Variants in OTOG observed in about 807,000 individuals in gnomAD.
OTOG encodes the protein otogelin.
A neutral mutation model predicts 313.8 loss-of-function variants in OTOG; 296 were observed. The observed-to-expected ratio is 0.94, with a 90% CI of 0.86 to 1.04. The LOEUF (loss-of-function observed/expected upper bound fraction) is 1.04. Among genes scored for constraint, OTOG ranks in the 50% least tolerant of loss-of-function variants. OTOG has a pLI of 0.00. For missense variants in OTOG, 3,948 were observed against 3,840.1 expected, an observed-to-expected ratio of 1.03 and a Z score of -0.74; for synonymous variants, 1,533 against 1,554.9, an observed-to-expected ratio of 0.99 and a Z score of 0.33.
rs549550987 is a variant in OTOG, at chr11:17,645,767, G to A, written c.8565G>A (p.Gly2855=). The change falls in exon 56 of 56, where the codon GGG becomes GGA. Residue 2855 remains glycine, a synonymous_variant. Coordinates refer to ENST00000399397, the MANE Select transcript of OTOG (RefSeq NM_001292063.2). ...STPVNLVSCD[G]RCPSASIYNY... ...AGGTGAACCTAGTGTCCTGCGATGG[G>A]AGGTGCCCATCCGCCAGCATCTACA... 3.0e-5 allele frequency: 46 copies of A among 1,550,898 alleles called. No homozygotes were observed. The African/African-American group carries it at 6.0e-4, about 20-fold the overall frequency.
chr11:17,622,661 C>T (rs1340302628), intron 39 of OTOG, among the ~76,000 whole-genome samples: 1 of 152,124 alleles, frequency 6.6e-6, no homozygotes, highest in African/African-American at 2.4e-5. Flanking sequence ...CATTTTCACC[C>T]ATGTTTTTGT....
chr11:17,561,515 C>T, intron 14 of OTOG, 147 bp from the exon 15 acceptor site: 4 of 822,444 alleles, frequency 4.9e-6, no homozygotes, highest in Non-Finnish European at 7.7e-6. Context: ...CTCCCACTGC[C>T]CAGGGCTCTC....
intron 24 of OTOG, among the ~76,000 whole-genome samples, chr11:17,591,018 T>C (rs1852918419): frequency 6.6e-6 from 1 of 152,230 alleles, no homozygotes; most frequent in Middle Eastern, 3.2e-3. Context: ...TTATTTTTTA[T>C]TTAGTGTATC....
At position 17,612,744 on chromosome 11, in the gene OTOG, G is replaced by A. The variant is rs1370386293; in HGVS notation, c.6417G>A (p.Leu2139=). The change falls in exon 38 of 56, where the codon CTG becomes CTA. Residue 2139 remains leucine (L), a synonymous_variant. Coordinates refer to ENST00000399397, the MANE Select transcript of OTOG (RefSeq NM_001292063.2). ...ATGAAATGCTCACCGTCCATGTACT[G>A]GACTGCAAAAGTGCCAACCTGGTGC... is the stretch of plus-strand genomic sequence containing the variant. The part of the protein sequence containing the change: ...SPDEMLTVHV[L]DCKSANLGHL... 1 of 1,550,514 alleles carries A rather than the reference G, an allele frequency of 6.4e-7. No individual in the cohort carries two copies. The highest frequency in any genetic ancestry group is 2.4e-5 in the East Asian group (1 of 40,916).
At position 17,632,163 on chromosome 11, in the gene OTOG, G is replaced by C. The variant is rs540794663; in HGVS notation, c.7009G>C (p.Val2337Leu). 576 of 1,551,138 alleles carry C rather than the reference G, an allele frequency of 3.7e-4. 7 individuals carry two copies. The African/African-American group carries it at 7.3e-3, about 20-fold the overall frequency. The change falls in exon 42 of 56, where the codon GTG (valine) becomes CTG (leucine). Residue 2337 changes from valine (V) to leucine (L), a missense_variant. Coordinates refer to ENST00000399397, the MANE Select transcript of OTOG (RefSeq NM_001292063.2). ...GCAGCAGCCCTGCGTGGCCCTGACT[G>C]TGTACGTGGCCATGTGCCACAAATT... ...YVQQPCVALT[V>L]YVAMCHKFHV...
chr11:17,610,785 A>G lies in OTOG; in HGVS notation c.5485A>G (p.Ile1829Val). 6.5e-7 allele frequency: 1 copy of G among 1,550,324 alleles called. No homozygotes were observed. The highest frequency in any genetic ancestry group is 8.7e-7 in the Non-Finnish European group (1 of 1,146,968). The change falls in exon 36 of 56, where the codon ATC becomes GTC. Residue 1829 changes from isoleucine to valine, a missense_variant. Physicochemically the swap from Ile to Val is conservative, Grantham distance 29 (BLOSUM62 3). Transcript: ENST00000399397. ...CACACCCGGCCCCAAAGCCTCTGTC[A>G]TCACCACTCCACTCCAGCCACAGGC... ...VATPGPKASV[I>V]TTPLQPQATT...
At chr11:17,615,348 A>G (rs1040198938) in intron 39 of OTOG, among the ~76,000 whole-genome samples, 1 of 151,938 alleles carries the variant, frequency 6.6e-6, no homozygotes, top group South Asian at 2.1e-4. Flanking sequence ...AAGTTTTTTT[A>G]TTTTGATGGT....
chr11:17,557,030 G>A, intron 7 of OTOG, 88 bp from the exon 8 acceptor site: 1 of 1,294,172 alleles, frequency 7.7e-7, no homozygotes, highest in Non-Finnish European at 1.1e-6. Context: ...CTTGGATCAT[G>A]GGGTAGGGAC....
chr11:17,641,229 G>A, intron 51 of OTOG, 138 bp downstream of exon 51: 1 of 989,056 alleles, frequency 1.0e-6, no homozygotes, highest in Non-Finnish European at 1.4e-6. Flanking sequence ...AGAAACCTCT[G>A]TAGAAAGTGC....
intron 49 of OTOG, 119 bp downstream of exon 49, chr11:17,639,582 C>A: frequency 1.9e-6 from 2 of 1,075,574 alleles, no homozygotes; most frequent in Non-Finnish European, 2.7e-6. Context: ...GGTTGCAAGT[C>A]AGCATTCTTT....
In OTOG at chr11:17,632,156, C is replaced by T. The variant is rs1472562911; in HGVS notation, c.7002C>T (p.Ala2334=). Residue 2334 remains alanine, a synonymous_variant, in exon 42 of 56, where the codon GCC becomes GCT. Transcript: ENST00000399397. ...DTKYVQQPCV[A]LTVYVAMCHK... is the part of the protein sequence containing the mutation. ...AGTACGTGCAGCAGCCCTGCGTGGC[C>T]CTGACTGTGTACGTGGCCATGTGCC... The T allele has an allele frequency of 6.4e-7, 1 of 1,550,964 alleles. No homozygotes were observed. Among genetic ancestry groups the T allele is most frequent in the Non-Finnish European group, 8.7e-7 (1 of 1,147,010 alleles).
chr11:17,633,799 G>T lies in OTOG; in HGVS notation c.7192G>T (p.Glu2398Ter). ...CCCAGAGCACTGCCAGGTGCTGGGC[G>T]AGGGCTGCGTCTGCTCCGAGGGCAC... ...LDPEHCQVLGEGCVCSEGTIL... is the reference protein window; with the variant it reads ...LDPEHCQVLG Residue 2398 changes from glutamate (E) to a stop codon, truncating the protein, a stop_gained, in exon 43 of 56, where the codon GAG becomes TAG. Coordinates refer to ENST00000399397, the MANE Select transcript of OTOG (RefSeq NM_001292063.2). LOFTEE classifies it high-confidence loss of function. 6.4e-7 allele frequency: 1 copy of T among 1,550,390 alleles called. No individual in the cohort carries two copies. Among genetic ancestry groups the T allele is most frequent in the Non-Finnish European group, 8.7e-7 (1 of 1,146,946 alleles).
In OTOG at chr11:17,609,808, C is replaced by A; in HGVS notation, c.4508C>A (p.Ala1503Asp). The A allele has an allele frequency of 6.5e-7, 1 of 1,544,666 alleles. No individual in the cohort carries two copies. The highest frequency in any genetic ancestry group is 2.4e-5 in the East Asian group (1 of 40,868). ...CACAGGCCAGCCCTCACCCCAGCTG[C>A]CCCACTCACCACAGCCCTGAACCCA... ...PTHRPALTPAAPLTTALNPPV... is the reference protein window; with the variant it reads ...PTHRPALTPADPLTTALNPPV... Residue 1503 changes from alanine to aspartate, a missense_variant, in exon 36 of 56, where the codon GCC becomes GAC. Transcript: ENST00000399397.
At position 17,547,327 on chromosome 11, in the gene OTOG, G is replaced by A. The variant is rs939540958; in HGVS notation, c.-46G>A. The A allele has an allele frequency of 7.7e-6, 10 of 1,298,782 alleles. No individual in the cohort carries two copies. The highest frequency in any genetic ancestry group is 6.2e-5 in the East Asian group (2 of 32,284). 80.5% of individuals were successfully genotyped at this position (1,298,782 alleles called of 1,614,324 possible). The stretch of plus-strand genomic sequence containing the variant: ...CTGCCTTAGCCCGGGGAGGCACCTC[G>A]GGAGGCTGGCCCTGCGCTCAAGTCC... On this transcript the variant is annotated 5_prime_UTR_variant, in exon 1 of 56. Coordinates refer to ENST00000399397, the MANE Select transcript of OTOG (RefSeq NM_001292063.2).
intron 30 of OTOG, among the ~76,000 whole-genome samples, 164 bp downstream of exon 30, chr11:17,597,171 G>A (rs1432522780): frequency 1.3e-5 from 2 of 152,190 alleles, no homozygotes; most frequent in African/African-American, 2.4e-5. Flanking sequence ...ACTACCCTTT[G>A]AAACAGGGCT....
At chr11:17,575,979 T>C (rs1852515137) in intron 20 of OTOG, among the ~76,000 whole-genome samples, 2 of 152,194 alleles carry the variant, frequency 1.3e-5, no homozygotes, top group Non-Finnish European at 2.9e-5. Context: ...ACATAGCCTT[T>C]GCCCTTAGAT....
chr11:17,560,582 G>A (rs944974634), intron 12 of OTOG, 127 bp from the exon 13 acceptor site: 14 of 692,366 alleles, frequency 2.0e-5, no homozygotes, highest in Non-Finnish European at 3.5e-5. Context: ...AGAGGAGAAA[G>A]TTTGGAAGTC....
At chr11:17,548,087 G>A in intron 2 of OTOG, 65 bp from the exon 3 acceptor site, 2 of 1,493,726 alleles carry the variant, frequency 1.3e-6, no homozygotes, top group South Asian at 2.6e-5. Context: ...GGATAGGCCA[G>A]GGGACTGCGG....
At chr11:17,611,900 G>C (rs1214282277) in intron 36 of OTOG, among the ~76,000 whole-genome samples, 2 of 152,058 alleles carry the variant, frequency 1.3e-5, no homozygotes, top group African/African-American at 4.8e-5. Flanking sequence ...GTGTATACAT[G>C]CCTGTGTACC....
Sources: allele counts gnomAD v4.1 joint callset (sites outside exome capture counted in the v4.1 genomes callset), GRCh38; gene constraint gnomAD v4.1.1; transcripts MANE v1.5; gene names NCBI Gene and HGNC (gene_info 2026-07-23, HGNC 2026-07-21).